PCDH15: variants seen among roughly 807,000 people sequenced by gnomAD.
The protein encoded by PCDH15 is protocadherin-15.
PCDH15 carries 129 observed loss-of-function variants against 178.5 expected under a neutral mutation model. The observed-to-expected ratio is 0.72, with a 90% CI of 0.63 to 0.84. The LOEUF (loss-of-function observed/expected upper bound fraction) is 0.84, where lower values mean the gene tolerates loss of function less well. Ranked by LOEUF, PCDH15 falls within the 40% of genes least tolerant of loss-of-function variation. The pLI is 0.00. For missense variants in PCDH15, 2,230 were observed against 2,099.9 expected, an observed-to-expected ratio of 1.06 and a Z score of -1.21; for synonymous variants, 800 against 732.0, an observed-to-expected ratio of 1.09 and a Z score of -1.50.
At chr10:53,867,214 A>T (rs1410891173) in intron 26 of PCDH15, among the ~76,000 whole-genome samples, 1 of 151,540 alleles carries the variant, frequency 6.6e-6, no homozygotes, top group African/African-American at 2.4e-5. Context: ...TTTTTTTTAG[A>T]TTCCACATAT....
intron 2 of PCDH15, among the ~76,000 whole-genome samples, chr10:54,629,771 C>T (rs906485954): frequency 2.0e-5 from 3 of 151,982 alleles, no homozygotes; most frequent in African/African-American, 4.8e-5. Flanking sequence ...AAATACAAGG[C>T]ATCTAAATAG....
intron 2 of PCDH15, among the ~76,000 whole-genome samples, chr10:54,900,680 T>G (rs1367397795): frequency 6.6e-6 from 1 of 152,166 alleles, no homozygotes; most frequent in Non-Finnish European, 1.5e-5. Flanking sequence ...AGTTTATATA[T>G]GACAATGTAT....
chr10:54,858,927 A>G (rs961947735), intron 3 of PCDH15, among the ~76,000 whole-genome samples: 2 of 152,096 alleles, frequency 1.3e-5, no homozygotes, highest in African/African-American at 4.8e-5. Context: ...TAGGGCCACA[A>G]TGATATAATT....
At chr10:55,090,238 TA>T (rs1448913815) in intron 2 of PCDH15, among the ~76,000 whole-genome samples, 2 of 152,074 alleles carry the variant, frequency 1.3e-5, no homozygotes, top group Non-Finnish European at 2.9e-5. Context: ...TTTAAATTTT[TA>T]TTAGTTACTG....
chr10:54,838,618 A>T (rs1323933545), intron 3 of PCDH15, among the ~76,000 whole-genome samples: 1 of 152,154 alleles, frequency 6.6e-6, no homozygotes, highest in Admixed American at 6.5e-5. Flanking sequence ...CTAGAGGCAG[A>T]CCCACCTAAC....
chr10:54,670,451 G>C (rs2094643072), intron 1 of PCDH15, among the ~76,000 whole-genome samples: 1 of 151,992 alleles, frequency 6.6e-6, no homozygotes, highest in Non-Finnish European at 1.5e-5. Context: ...TTTAATAATA[G>C]AACTTTAAAT....
intron 3 of PCDH15, among the ~76,000 whole-genome samples, chr10:54,482,903 C>A (rs541224365): frequency 6.6e-6 from 1 of 151,762 alleles, no homozygotes; most frequent in East Asian, 1.9e-4. Context: ...TGCAGGGGGA[C>A]TATGCAAGGA....
intron 13 of PCDH15, among the ~76,000 whole-genome samples, chr10:54,172,118 A>T (rs2046975840): frequency 6.6e-6 from 1 of 152,314 alleles, no homozygotes; most frequent in East Asian, 1.9e-4. Flanking sequence ...TTATACGCCC[A>T]GATGGCCTGA....
chr10:55,350,062 A>G (rs553496163), intron 2 of PCDH15, among the ~76,000 whole-genome samples: 17 of 151,680 alleles, frequency 1.1e-4, no homozygotes, highest in Non-Finnish European at 2.5e-4. Flanking sequence ...GTAACACTCA[A>G]TCCCTTTCAC....
At chr10:53,886,595 CTTTTTTTTTTTTTT>C (rs36171553) in intron 26 of PCDH15, among the ~76,000 whole-genome samples, 1 of 72,786 alleles carries the variant, frequency 1.4e-5, no homozygotes, top group Non-Finnish European at 2.4e-5. Context: ...ATGTATGCCT[CTTTTTTTTTTTTTT>C]TTTTTTTTTT....
intron 1 of PCDH15, among the ~76,000 whole-genome samples, chr10:55,174,935 C>G (rs1309791242): frequency 6.6e-6 from 1 of 152,068 alleles, no homozygotes; most frequent in Non-Finnish European, 1.5e-5. Flanking sequence ...TAGCAGCTTT[C>G]CAGAATTTAA....
In PCDH15 at chr10:54,089,970, C is replaced by CT; in HGVS notation, c.1997+13_1997+14insA. On this transcript the variant is annotated intron_variant, in intron 16 of 37. Transcript: ENST00000644397. The stretch of plus-strand genomic sequence containing the variant: ...TGTACATTTTTTTAAAGTAGGAAAT[C>CT]ATTTTTAACTTACGTTTCTGAAAGA... 6.3e-7 allele frequency: 1 copy of CT among 1,590,924 alleles called. No homozygotes were observed. Among genetic ancestry groups the CT allele is most frequent in the Non-Finnish European group, 8.6e-7 (1 of 1,159,622 alleles).
chr10:53,928,775 C>A (rs2084794306), intron 25 of PCDH15, among the ~76,000 whole-genome samples: 1 of 151,904 alleles, frequency 6.6e-6, no homozygotes, highest in Non-Finnish European at 1.5e-5. Context: ...TTAATACTCT[C>A]TGGAAAGCAT....
intron 37 of PCDH15, chr10:53,809,627 A>G: frequency 7.3e-7 from 1 of 1,363,276 alleles, no homozygotes; most frequent in Non-Finnish European, 1.0e-6. Flanking sequence ...GCTACGCAGG[A>G]ATGAATCTGT....
chr10:55,553,564 T>C (rs1182890048), intron 2 of PCDH15, among the ~76,000 whole-genome samples: 2 of 151,948 alleles, frequency 1.3e-5, no homozygotes, highest in Admixed American at 1.3e-4. Context: ...CTGTGTAGTA[T>C]CTAACACAGA....
At chr10:54,631,170 A>G (rs1208192902) in intron 2 of PCDH15, among the ~76,000 whole-genome samples, 5 of 151,926 alleles carry the variant, frequency 3.3e-5, no homozygotes, top group African/African-American at 4.8e-5. Flanking sequence ...TTCTCATGAG[A>G]TCTGATCATT....
chr10:54,722,672 C>T (rs1941834574), intron 1 of PCDH15, among the ~76,000 whole-genome samples: 1 of 151,336 alleles, frequency 6.6e-6, no homozygotes, highest in Non-Finnish European at 1.5e-5. Flanking sequence ...GACCTCTCCA[C>T]TTGATAAATG....
intron 2 of PCDH15, among the ~76,000 whole-genome samples, chr10:54,983,681 T>G (rs1046619242): frequency 6.6e-6 from 1 of 152,188 alleles, no homozygotes; most frequent in African/African-American, 2.4e-5. Context: ...TGATTCTTAA[T>G]CCTAAAGTAA....
intron 2 of PCDH15, among the ~76,000 whole-genome samples, chr10:55,397,874 C>A (rs1173619157): frequency 6.6e-6 from 1 of 152,112 alleles, no homozygotes; most frequent in Non-Finnish European, 1.5e-5. Context: ...CAGGCATGAG[C>A]CACCACGCCT....
Sources: gnomAD v4.1 joint callset for allele counts (sites outside exome capture counted in the v4.1 genomes callset) on GRCh38, gnomAD v4.1.1 for gene constraint, MANE v1.5 for transcripts, NCBI Gene and HGNC (gene_info 2026-07-23, HGNC 2026-07-21) for gene names.